The following NXPE2 variants were observed in gnomAD, a reference collection of about 807,000 sequenced individuals.
The protein encoded by NXPE2 is neurexophilin and PC-esterase domain family member 2.
In NXPE2, 34 loss-of-function variants were observed where a neutral mutation model predicts 34.4. The observed-to-expected ratio is 0.99, with a 90% CI of 0.75 to 1.31. NXPE2 has a LOEUF of 1.31. NXPE2 is among the 40% of genes most tolerant of loss of function. The pLI, the probability that NXPE2 is intolerant of heterozygous loss-of-function variation, is 0.00. For synonymous variants in NXPE2, 235 were observed against 231.3 expected, an observed-to-expected ratio of 1.02 and a Z score of -0.15; for missense variants, 649 against 672.5, an observed-to-expected ratio of 0.97 and a Z score of 0.39.
the NXPE2 span, among the ~76,000 whole-genome samples, chr11:114,577,014 TATATATATATATACATATATATATATAAA>T: frequency 4.8e-5 from 1 of 20,818 alleles, no homozygotes; most frequent in African/African-American, 1.8e-4. Flanking sequence ...TAAAGTTATA[TATATATATATATACATATATATATATAAA>T]GTTATATATA....
At chr11:114,573,862 T>G in the NXPE2 span, among the ~76,000 whole-genome samples, 1 of 152,078 alleles carries the variant, frequency 6.6e-6, no homozygotes, top group Middle Eastern at 3.4e-3. Flanking sequence ...ACAAATGAAC[T>G]TAACAGATAT....
At chr11:114,711,233 A>C (rs1859606379), downstream of NXPE2, among the ~76,000 whole-genome samples, 1 of 152,166 alleles carries the variant, frequency 6.6e-6, no homozygotes, top group Admixed American at 6.5e-5. Context: ...TGAAATTTCC[A>C]GCCAGAGCAA....
the NXPE2 span, among the ~76,000 whole-genome samples, chr11:114,764,285 T>A: frequency 6.6e-6 from 1 of 152,182 alleles, no homozygotes; most frequent in Non-Finnish European, 1.5e-5. Flanking sequence ...AAGATAAAGT[T>A]ATTGTGTTAA....
the NXPE2 span, among the ~76,000 whole-genome samples, chr11:114,568,664 C>T: frequency 6.6e-6 from 1 of 152,070 alleles, no homozygotes; most frequent in Non-Finnish European, 1.5e-5. Flanking sequence ...CTTCTCAAGC[C>T]TCTGTCTTCC....
At chr11:114,643,343 C>T in the NXPE2 span, among the ~76,000 whole-genome samples, 1 of 152,080 alleles carries the variant, frequency 6.6e-6, no homozygotes, top group Non-Finnish European at 1.5e-5. Flanking sequence ...TGCCTACATC[C>T]TGAATGGTAC....
chr11:114,681,162 C>T (rs1433798896), intron 2 of NXPE2, among the ~76,000 whole-genome samples: 1 of 152,136 alleles, frequency 6.6e-6, no homozygotes, highest in African/African-American at 2.4e-5. Context: ...TAGACCGATA[C>T]TTTGTCATTG....
intron 2 of NXPE2, among the ~76,000 whole-genome samples, chr11:114,680,355 T>C (rs1265549787): frequency 2.6e-5 from 4 of 152,140 alleles, no homozygotes; most frequent in African/African-American, 9.7e-5. Flanking sequence ...TGAACCCAAC[T>C]ACCTTTAAAA....
rs1047797294 is a variant in NXPE2 at position 114,678,553 on chromosome 11, A to C, written c.-23A>C. 3.2e-6 allele frequency: 5 copies of C among 1,540,898 alleles called. No individual in the cohort carries two copies. The highest frequency in any genetic ancestry group is 2.0e-5 in the Admixed American group (1 of 50,890). ...ATCAAGGAGAGTCTCTGGACACTATAATTCCTGTGAGAACACGAGAAGATG... is the reference window on the plus strand; with the variant it reads ...ATCAAGGAGAGTCTCTGGACACTATCATTCCTGTGAGAACACGAGAAGATG... On this transcript the variant is annotated 5_prime_UTR_variant, in exon 1 of 6. Transcript: ENST00000389586.
the NXPE2 span, among the ~76,000 whole-genome samples, chr11:114,809,164 C>A: frequency 6.6e-6 from 1 of 151,976 alleles, no homozygotes; most frequent in African/African-American, 2.4e-5. Context: ...TAAAAACTCT[C>A]AATAAATTAG....
the NXPE2 span, among the ~76,000 whole-genome samples, chr11:114,667,052 T>G: frequency 2.6e-5 from 4 of 152,244 alleles, no homozygotes; most frequent in Admixed American, 2.6e-4. Context: ...TTTCCTTGTA[T>G]TCATGCAACA....
At chr11:114,647,876 A>C in the NXPE2 span, among the ~76,000 whole-genome samples, 1 of 151,928 alleles carries the variant, frequency 6.6e-6, no homozygotes, top group Non-Finnish European at 1.5e-5. Flanking sequence ...TAAGTTTTGT[A>C]ATTTTAGTAG....
At chr11:114,681,949 A>G (rs1339981185) in intron 2 of NXPE2, among the ~76,000 whole-genome samples, 1 of 152,208 alleles carries the variant, frequency 6.6e-6, no homozygotes, top group African/African-American at 2.4e-5. Flanking sequence ...GTCAAATATC[A>G]AAGGTTTAAA....
chr11:114,527,946 A>G, the NXPE2 span: 7 of 1,438,224 alleles, frequency 4.9e-6, no homozygotes, highest in African/African-American at 2.8e-5. Context: ...CTCTCTGCCC[A>G]TGTAACACAG....
the NXPE2 span, among the ~76,000 whole-genome samples, chr11:114,772,296 C>T: frequency 0.019 from 2,876 of 152,078 alleles, 85 homozygotes; most frequent in Admixed American, 0.083. Context: ...TTAACACATT[C>T]GTGGTAATTA....
At chr11:114,522,790 A>C in the NXPE2 span, 1 of 938,036 alleles carries the variant, frequency 1.1e-6, no homozygotes, top group Non-Finnish European at 1.6e-6. Context: ...AGTAAAAAAC[A>C]AAATAGCTCA....
chr11:114,638,169 ATTC>A, the NXPE2 span, among the ~76,000 whole-genome samples: 2 of 151,254 alleles, frequency 1.3e-5, no homozygotes, highest in Non-Finnish European at 3.0e-5. Flanking sequence ...ATTTCTTTTT[ATTC>A]TTTTTTCTCT....
the NXPE2 span, among the ~76,000 whole-genome samples, chr11:114,623,581 C>A: frequency 2.6e-5 from 4 of 151,714 alleles, no homozygotes; most frequent in Non-Finnish European, 5.9e-5. Context: ...ACCACTGTTA[C>A]CCTTGGAAAA....
the NXPE2 span, among the ~76,000 whole-genome samples, chr11:114,790,759 T>C: frequency 2.6e-5 from 4 of 151,782 alleles, no homozygotes; most frequent in African/African-American, 9.7e-5. Flanking sequence ...TCATCCTCTA[T>C]GAGGAATTAA....
At chr11:114,509,280 A>G in the NXPE2 span, among the ~76,000 whole-genome samples, 1 of 152,144 alleles carries the variant, frequency 6.6e-6, no homozygotes, top group Non-Finnish European at 1.5e-5. Flanking sequence ...AACAGATGCC[A>G]GCAAGATTGT....
Sources: allele counts gnomAD v4.1 joint callset (sites outside exome capture counted in the v4.1 genomes callset), GRCh38; gene constraint gnomAD v4.1.1; transcripts MANE v1.5; gene names NCBI Gene and HGNC (gene_info 2026-07-23, HGNC 2026-07-21).